The following FSD1L variants were observed in gnomAD, a reference collection of about 807,000 sequenced individuals.
FSD1L encodes the protein FSD1-like protein.
Under a neutral mutation model 71.6 loss-of-function variants are expected in FSD1L, and 45 were observed. That is an observed-to-expected ratio of 0.63 (90% CI 0.49 to 0.81). The LOEUF is 0.81. Ranked by LOEUF, FSD1L falls within the 30% of genes least tolerant of loss-of-function variation. The pLI, the probability that FSD1L is intolerant of heterozygous loss-of-function variation, is 0.00. For synonymous variants in FSD1L, 197 were observed against 207.2 expected, an observed-to-expected ratio of 0.95 and a Z score of 0.42; for missense variants, 561 against 618.1, an observed-to-expected ratio of 0.91 and a Z score of 0.98.
In FSD1L at chr9:105,523,648, T is replaced by C. The variant is rs1196288732; in HGVS notation, c.1025+10712T>C. On this transcript the variant is annotated intron_variant, in intron 10 of 13. Transcript: ENST00000481272. Reference sequence around the variant, plus strand: ...CTGAGAATTCTTACACCTTGGCTTTTTAAGGCAACCATGTTGACTGATAAA... The same window carrying C: ...CTGAGAATTCTTACACCTTGGCTTTCTAAGGCAACCATGTTGACTGATAAA... 1.5e-5 allele frequency: 24 copies of C among 1,607,690 alleles called. No homozygotes were observed. In the Admixed American group the frequency reaches 4.0e-4, roughly 27 times the overall value.
intron 7 of FSD1L, among the ~76,000 whole-genome samples, chr9:105,494,887 G>A (rs1438294483): frequency 2.0e-5 from 3 of 152,148 alleles, no homozygotes; most frequent in Non-Finnish European, 2.9e-5. Context: ...GTACCCGGCC[G>A]TGTGAGGTGT....
chr9:105,499,334 A>C (rs1833625407), intron 7 of FSD1L, among the ~76,000 whole-genome samples: 1 of 152,232 alleles, frequency 6.6e-6, no homozygotes, highest in Non-Finnish European at 1.5e-5. Context: ...TACTGGTTAG[A>C]TCAGTCAAGA....
At chr9:105,452,841 C>T (rs1216706545) in intron 1 of FSD1L, among the ~76,000 whole-genome samples, 1 of 152,072 alleles carries the variant, frequency 6.6e-6, no homozygotes, top group South Asian at 2.1e-4. Context: ...CTCAAGCTAT[C>T]CTCCCAGCTC....
At chr9:105,484,750 G>A (rs1832425402) in intron 7 of FSD1L, among the ~76,000 whole-genome samples, 1 of 152,016 alleles carries the variant, frequency 6.6e-6, no homozygotes, top group Non-Finnish European at 1.5e-5. Context: ...AAGCAGTATG[G>A]TGTGATGGTT....
At chr9:105,508,832 C>G (rs1248575671) in intron 9 of FSD1L, 117 bp downstream of exon 9, 1 of 586,936 alleles carries the variant, frequency 1.7e-6, no homozygotes, top group African/African-American at 1.9e-5. Flanking sequence ...CTTCTCCTAG[C>G]CTAGCTTTCT....
rs551745593 is a variant in FSD1L, at chr9:105,498,867, G to T, written c.587-7532G>T. Among the ~76,000 whole-genome samples, 4 of 152,114 alleles carry T rather than the reference G, an allele frequency of 2.6e-5. No homozygotes were observed. The East Asian group carries it at 7.7e-4, about 29-fold the overall frequency. On this transcript the variant is annotated intron_variant, in intron 7 of 13. Coordinates refer to ENST00000481272, the MANE Select transcript of FSD1L (RefSeq NM_001145313.3). Reference sequence around the variant, plus strand: ...TTGAACTCCTCATCTCAAGTGATCCGCCCCCCTCCCAAAGTGCAAAGATTA... The same window carrying T: ...TTGAACTCCTCATCTCAAGTGATCCTCCCCCCTCCCAAAGTGCAAAGATTA...
At chr9:105,522,427 C>T in intron 10 of FSD1L, 2 of 1,613,736 alleles carry the variant, frequency 1.2e-6, no homozygotes, top group South Asian at 2.2e-5. Context: ...CGTGATCAGC[C>T]TGGCCAAGCC....
At position 105,506,394 on chromosome 9, in the gene FSD1L, T is replaced by G; in HGVS notation, c.587-5T>G. The G allele has an allele frequency of 1.3e-6, 2 of 1,545,814 alleles. No homozygotes were observed. The highest frequency in any genetic ancestry group is 1.7e-6 in the Non-Finnish European group (2 of 1,143,712). On this transcript the variant is annotated splice_polypyrimidine_tract_variant and splice_region_variant and intron_variant, in intron 7 of 13. Coordinates refer to ENST00000481272, the MANE Select transcript of FSD1L (RefSeq NM_001145313.3). ...ATGAGTCTTTTTTTTTTTTCTTCTT[T>G]GCAGTCCCCAAAGCTCCAGAGATAG...
Position 105,525,627 on chromosome 9 carries a change from T to C in FSD1L, c.1026-8866T>C. The C allele has an allele frequency of 1.9e-6, 3 of 1,612,370 alleles. No individual in the cohort carries two copies. In the South Asian group the frequency reaches 3.3e-5, roughly 18 times the overall value. The stretch of plus-strand genomic sequence containing the variant: ...TCCTGAAGAAAAATGAAAAGCTACT[T>C]AGAGAACTTAGGAACTTGGATTCAA... On this transcript the variant is annotated intron_variant, in intron 10 of 13. Transcript: ENST00000481272.
chr9:105,532,934 G>T (rs1835987695), intron 10 of FSD1L, among the ~76,000 whole-genome samples: 1 of 152,124 alleles, frequency 6.6e-6, no homozygotes, highest in African/African-American at 2.4e-5. Flanking sequence ...GCAGAATGAA[G>T]TCACTGAGTC....
intron 7 of FSD1L, among the ~76,000 whole-genome samples, chr9:105,495,386 T>C (rs886457282): frequency 2.0e-5 from 3 of 152,148 alleles, no homozygotes; most frequent in African/African-American, 4.8e-5. Context: ...TGACCTGATT[T>C]TCCAGGTGCC....
At chr9:105,505,213 A>G (rs2131352670) in intron 7 of FSD1L, among the ~76,000 whole-genome samples, 1 of 152,276 alleles carries the variant, frequency 6.6e-6, no homozygotes, top group East Asian at 1.9e-4. Context: ...CCCTTCTGTG[A>G]TCACTTGTTA....
At chr9:105,474,450 T>C (rs1831665170) in intron 5 of FSD1L, among the ~76,000 whole-genome samples, 1 of 152,222 alleles carries the variant, frequency 6.6e-6, no homozygotes, top group Non-Finnish European at 1.5e-5. Context: ...ATTATTTTCT[T>C]CATATGTCCA....
At chr9:105,459,941 A>G (rs996839623) in intron 1 of FSD1L, among the ~76,000 whole-genome samples, 2 of 152,162 alleles carry the variant, frequency 1.3e-5, no homozygotes, top group Admixed American at 1.3e-4. Context: ...CTTTTCTCAG[A>G]ATGTGGACCC....
chr9:105,496,922 G>A (rs1833449953), intron 7 of FSD1L, among the ~76,000 whole-genome samples: 1 of 152,188 alleles, frequency 6.6e-6, no homozygotes, highest in Admixed American at 6.5e-5. Context: ...TAGAAAGAGG[G>A]GGATCCTTGC....
intron 10 of FSD1L, chr9:105,522,198 T>G: frequency 6.2e-7 from 1 of 1,613,902 alleles, no homozygotes; most frequent in Non-Finnish European, 8.5e-7. Flanking sequence ...ACTGTCAGTA[T>G]TGTCATCGTT....
intron 1 of FSD1L, 64 bp from the exon 2 acceptor site, chr9:105,461,456 C>T (rs1272602993): frequency 6.1e-6 from 4 of 652,474 alleles, no homozygotes; most frequent in Non-Finnish European, 1.0e-5. Flanking sequence ...ATTAATTTAT[C>T]CTGTTTTTCC....
At chr9:105,449,884 G>A (rs895882592) in intron 1 of FSD1L, among the ~76,000 whole-genome samples, 1 of 152,168 alleles carries the variant, frequency 6.6e-6, no homozygotes, top group Admixed American at 6.5e-5. Flanking sequence ...GTTACCACGT[G>A]CAGTTTCCTG....
intron 7 of FSD1L, among the ~76,000 whole-genome samples, chr9:105,496,672 T>A (rs1274014613): frequency 6.6e-6 from 1 of 152,250 alleles, no homozygotes; most frequent in Non-Finnish European, 1.5e-5. Context: ...GTATTGTGTT[T>A]TAATTTCAAA....
Sources: gnomAD v4.1 joint callset for allele counts (sites outside exome capture counted in the v4.1 genomes callset) on GRCh38, gnomAD v4.1.1 for gene constraint, MANE v1.5 for transcripts, NCBI Gene and HGNC (gene_info 2026-07-23, HGNC 2026-07-21) for gene names.